Variants in NRG1 observed in about 807,000 individuals in gnomAD.
NRG1 encodes neuregulin 1, also known as pro-neuregulin-1, membrane-bound isoform.
In NRG1, 18 loss-of-function variants were observed where a neutral mutation model predicts 63.8. The ratio of observed to expected loss-of-function variants is 0.28; its 90% CI spans 0.19 to 0.42. NRG1 has a LOEUF of 0.42. Among genes scored for constraint, NRG1 ranks in the 10% least tolerant of loss-of-function variants. The probability of loss-of-function intolerance (pLI) is 1.00; values close to 1 mark genes in which losing one functional copy is unlikely to be tolerated. For missense variants in NRG1, 762 were observed against 814.7 expected (o/e 0.94, Z 0.79); for synonymous variants, 302 against 301.3 (o/e 1.00, Z -0.02).
intron 1 of NRG1, among the ~76,000 whole-genome samples, chr8:32,040,473 G>T (rs1396620104): frequency 2.6e-5 from 4 of 151,848 alleles, no homozygotes; most frequent in Admixed American, 2.6e-4. Flanking sequence ...TATGCACAAT[G>T]CCTGCTGTTT....
intron 1 of NRG1, among the ~76,000 whole-genome samples, chr8:31,698,323 C>T (rs1197778786): frequency 1.3e-5 from 2 of 152,226 alleles, no homozygotes; most frequent in African/African-American, 2.4e-5. Context: ...TGACAAGGAC[C>T]AATTGTGATT....
intron 1 of NRG1, among the ~76,000 whole-genome samples, chr8:32,498,309 A>C (rs768471497): frequency 2.0e-5 from 3 of 152,148 alleles, no homozygotes; most frequent in Admixed American, 6.5e-5. Flanking sequence ...AAGGTATATT[A>C]GTTCATTCTC....
intron 1 of NRG1, among the ~76,000 whole-genome samples, chr8:32,567,764 G>A (rs775676401): frequency 2.6e-5 from 4 of 152,368 alleles, no homozygotes; most frequent in South Asian, 2.1e-4. Context: ...GTCTTAAGGC[G>A]TGTGCATTGC....
chr8:32,623,664 C>T (rs1178787378), intron 5 of NRG1, among the ~76,000 whole-genome samples: 1 of 152,136 alleles, frequency 6.6e-6, no homozygotes, highest in African/African-American at 2.4e-5. Context: ...AGTTGGGGCT[C>T]GTATATTATA....
At chr8:32,157,124 A>C in intron 1 of NRG1, among the ~76,000 whole-genome samples, 1 of 149,802 alleles carries the variant, frequency 6.7e-6, no homozygotes, top group Non-Finnish European at 1.5e-5. Context: ...TAATCCCAGC[A>C]CTTTGGGAAG....
rs1022735643 is a variant in NRG1 at position 32,239,853 on chromosome 8, G to A, written c.38-355975G>A. Among the ~76,000 whole-genome samples the A allele has an allele frequency of 2.0e-5, 3 of 152,098 alleles. No homozygotes were observed. In the East Asian group the frequency reaches 5.8e-4, roughly 29 times the overall value. On this transcript the variant is annotated intron_variant, in intron 1 of 10. Coordinates refer to the NRG1 transcript ENST00000519301. ...TTAGGAATATGCAAATTAAAACAAT[G>A]AGATAGCACTATCTACCTATCAGGA... is the stretch of plus-strand genomic sequence containing the variant.
Position 32,761,560 on chromosome 8 carries a change from AATTTTATTTTATTTT to A in NRG1, c.1259+1193_1259+1207del, listed in dbSNP as rs10566697. Among the ~76,000 whole-genome samples, 90 of 138,614 alleles carry A rather than the reference AATTTTATTTTATTTT, an allele frequency of 6.5e-4. 1 individual carries two copies. Among genetic ancestry groups the A allele is most frequent in the Middle Eastern group, 7.1e-3 (2 of 282 alleles). 90.9% of individuals were successfully genotyped at this position (138,614 alleles called of 152,430 possible). On this transcript the variant is annotated intron_variant, in intron 11 of 11. Transcript: ENST00000356819. ...TACCTGTTTGTTTGCAAGTCCGCTG[AATTTTATTTTATTTT>A]ATTTTATTTTATTTTATTTTATTTT...
At chr8:32,402,835 A>G (rs1813400225) in intron 1 of NRG1, among the ~76,000 whole-genome samples, 2 of 152,190 alleles carry the variant, frequency 1.3e-5, no homozygotes, top group South Asian at 4.1e-4. Flanking sequence ...TGCATAGTAT[A>G]TAAAGGGTTT....
intron 1 of NRG1, among the ~76,000 whole-genome samples, chr8:32,583,582 G>A (rs989959650): frequency 6.6e-6 from 1 of 152,032 alleles, no homozygotes; most frequent in African/African-American, 2.4e-5. Context: ...GGATTCATGG[G>A]GAATTAATTA....
intron 1 of NRG1, among the ~76,000 whole-genome samples, chr8:31,893,535 G>A (rs565701720): frequency 6.6e-6 from 1 of 151,354 alleles, no homozygotes; most frequent in African/African-American, 2.4e-5. Flanking sequence ...TGTGGTAGAT[G>A]ATTAATATAC....
At chr8:32,115,968 C>T (rs1390125196) in intron 1 of NRG1, among the ~76,000 whole-genome samples, 2 of 152,162 alleles carry the variant, frequency 1.3e-5, no homozygotes, top group Non-Finnish European at 2.9e-5. Context: ...CTACTGCAAT[C>T]TCCTCTTTTC....
intron 5 of NRG1, among the ~76,000 whole-genome samples, chr8:32,656,149 C>A (rs1212950352): frequency 6.6e-6 from 1 of 151,878 alleles, no homozygotes; most frequent in Admixed American, 6.5e-5. Flanking sequence ...TGTATACATA[C>A]ATACATATAA....
At chr8:32,047,507 C>A (rs1821198536) in intron 1 of NRG1, among the ~76,000 whole-genome samples, 1 of 151,880 alleles carries the variant, frequency 6.6e-6, no homozygotes, top group Admixed American at 6.6e-5. Context: ...ATCAATTATA[C>A]CATGATGGAT....
chr8:32,551,302 A>G (rs12548687), intron 1 of NRG1, among the ~76,000 whole-genome samples: 59,524 of 152,050 alleles, frequency 0.39, 12,733 homozygotes, highest in Admixed American at 0.49. Context: ...TATTGCTCCC[A>G]TCTTAGTGCC....
intron 1 of NRG1, among the ~76,000 whole-genome samples, chr8:32,096,122 G>A (rs1485912041): frequency 1.3e-5 from 2 of 152,160 alleles, no homozygotes; most frequent in East Asian, 3.9e-4. Context: ...GGGCTAGGAG[G>A]GGTGGTAGTG....
chr8:32,690,980 T>TGTG (rs759954971), intron 5 of NRG1, among the ~76,000 whole-genome samples: 14 of 146,558 alleles, frequency 9.6e-5, no homozygotes, highest in Admixed American at 3.4e-4. Context: ...TGTGTGTGTG[T>TGTG]TAGCCATTTA....
intron 7 of NRG1, among the ~76,000 whole-genome samples, chr8:32,750,650 G>T (rs1188902846): frequency 6.7e-6 from 1 of 150,028 alleles, no homozygotes; most frequent in Admixed American, 6.7e-5. Context: ...TGCGGGAAAT[G>T]AGGCAGTTGC....
intron 1 of NRG1, among the ~76,000 whole-genome samples, chr8:32,149,464 A>T (rs372816415): frequency 1.3e-5 from 2 of 152,280 alleles, no homozygotes; most frequent in East Asian, 3.9e-4. Context: ...TGAACACTCC[A>T]ACATGAAGGG....
chr8:32,605,220 A>T (rs1026650775), intron 2 of NRG1, among the ~76,000 whole-genome samples: 7 of 152,194 alleles, frequency 4.6e-5, no homozygotes, highest in African/African-American at 1.7e-4. Flanking sequence ...GGATATAGAA[A>T]AGTAAGAAAA....
Sources: allele counts gnomAD v4.1 joint callset (sites outside exome capture counted in the v4.1 genomes callset), GRCh38; gene constraint gnomAD v4.1.1; transcripts MANE v1.5; gene names NCBI Gene and HGNC (gene_info 2026-07-23, HGNC 2026-07-21).